WDFY3: variants seen among roughly 807,000 people sequenced by gnomAD.
The protein encoded by WDFY3 is WD repeat and FYVE domain-containing protein 3.
Under a neutral mutation model 409.6 loss-of-function variants are expected in WDFY3, and 66 were observed. The observed-to-expected ratio is 0.16, with a 90% CI of 0.13 to 0.20. The LOEUF is 0.20. WDFY3 is among the 10% of genes least tolerant of loss of function. The pLI is 1.00. For synonymous variants in WDFY3, 1,521 were observed against 1,537.1 expected (o/e 0.99, Z 0.25); for missense variants, 3,031 against 4,298.1 (o/e 0.71, Z 8.24).
chr4:84,701,708 A>G (rs1731095694), intron 56 of WDFY3, among the ~76,000 whole-genome samples: 1 of 152,108 alleles, frequency 6.6e-6, no homozygotes. Context: ...TAAAAACAGC[A>G]CTGATGGAGT....
chr4:84,722,096 A>G (rs991853892), intron 46 of WDFY3, among the ~76,000 whole-genome samples: 1 of 152,198 alleles, frequency 6.6e-6, no homozygotes, highest in East Asian at 1.9e-4. Flanking sequence ...CAAATTATAA[A>G]CATGATTACG....
chr4:84,827,632 T>C (rs1032017474), intron 9 of WDFY3, among the ~76,000 whole-genome samples: 1 of 152,186 alleles, frequency 6.6e-6, no homozygotes, highest in Non-Finnish European at 1.5e-5. Flanking sequence ...TTACCAACAT[T>C]TTTAAGGCTC....
chr4:84,837,958 T>C (rs1756827950), intron 6 of WDFY3, among the ~76,000 whole-genome samples: 1 of 152,174 alleles, frequency 6.6e-6, no homozygotes, highest in African/African-American at 2.4e-5. Context: ...TAACTATGAC[T>C]TAATCTCTTA....
In WDFY3 at chr4:84,716,989, T is replaced by C. The variant is rs1356977318; in HGVS notation, c.7782A>G (p.Gly2594=). Residue 2594 remains glycine (G), a synonymous_variant, in exon 49 of 68, where the codon GGA becomes GGG. Transcript: ENST00000295888. ...TGAGTTGACTAGGGCCTTGCCTGGC[T>C]CCTCTAGGAATAATAGGCTCATGCA... The part of the protein sequence containing the change: ...PNMHEPIIPR[G]ARQGPSQLKR... 1 of 1,607,812 alleles carries C rather than the reference T, an allele frequency of 6.2e-7. No homozygotes were observed. Among genetic ancestry groups the C allele is most frequent in the Non-Finnish European group, 8.5e-7 (1 of 1,176,874 alleles).
chr4:84,715,256 T>A, intron 50 of WDFY3, 42 bp downstream of exon 50: 1 of 1,155,618 alleles, frequency 8.7e-7, no homozygotes, highest in Non-Finnish European at 1.2e-6. Context: ...CCCTCCCATA[T>A]CTTCCCATAA....
intron 3 of WDFY3, among the ~76,000 whole-genome samples, chr4:84,864,035 A>C (rs1017856046): frequency 3.3e-5 from 5 of 152,124 alleles, no homozygotes; most frequent in South Asian, 2.1e-4. Context: ...TTGTGGTTCC[A>C]TATGAATTTT....
intron 3 of WDFY3, among the ~76,000 whole-genome samples, chr4:84,875,371 G>C (rs1048303233): frequency 1.5e-4 from 23 of 151,982 alleles, no homozygotes; most frequent in Non-Finnish European, 2.8e-4. Context: ...CACTAGTTAT[G>C]AATGGAGCTT....
chr4:84,818,713 A>G (rs1374436619), intron 12 of WDFY3, among the ~76,000 whole-genome samples: 1 of 152,150 alleles, frequency 6.6e-6, no homozygotes, highest in Non-Finnish European at 1.5e-5. Flanking sequence ...AATGGCTAAT[A>G]TTATTTAAAT....
At chr4:84,809,770 A>T in intron 14 of WDFY3, 117 bp downstream of exon 14, 1 of 946,794 alleles carries the variant, frequency 1.1e-6, no homozygotes, top group Admixed American at 3.0e-5. Context: ...CTTCAAACAA[A>T]TAGGAGAAGA....
intron 51 of WDFY3, among the ~76,000 whole-genome samples, chr4:84,711,996 T>G (rs949965478): frequency 6.6e-6 from 1 of 152,130 alleles, no homozygotes; most frequent in Non-Finnish European, 1.5e-5. Context: ...TCCTACTCTT[T>G]GTTTTATTAA....
intron 12 of WDFY3, among the ~76,000 whole-genome samples, chr4:84,819,121 A>G (rs979140455): frequency 6.6e-6 from 1 of 152,058 alleles, no homozygotes; most frequent in African/African-American, 2.4e-5. Flanking sequence ...CTATCTTAGC[A>G]TTTGCCAAAT....
chr4:84,791,273 A>G (rs984527894), intron 21 of WDFY3, among the ~76,000 whole-genome samples: 3 of 152,238 alleles, frequency 2.0e-5, no homozygotes, highest in African/African-American at 4.8e-5. Context: ...GCTTAAGGAC[A>G]TTATGCTAAA....
At position 84,683,986 on chromosome 4, in the gene WDFY3, G is replaced by C; in HGVS notation, c.9683C>G (p.Thr3228Arg). The C allele has an allele frequency of 6.2e-7, 1 of 1,612,606 alleles. No homozygotes were observed. Among genetic ancestry groups the C allele is most frequent in the Non-Finnish European group, 8.5e-7 (1 of 1,178,786 alleles). Residue 3228 changes from threonine to arginine, a missense_variant, in exon 63 of 68, where the codon ACG (threonine) becomes AGG (arginine). By Grantham distance (71) the Thr-to-Arg change is moderately conservative. Coordinates refer to ENST00000295888, the MANE Select transcript of WDFY3 (RefSeq NM_014991.6). ...GTGTCCTGTCACTATGACGTTCTGC[G>C]TGTCCCATTCGTTCATCTCCGACAT... The part of the protein sequence containing the change: ...CCMSEMNEWD[T>R]QNVIVTGHSD...
Position 84,757,106 on chromosome 4 carries a change from T to C in WDFY3, c.5244A>G (p.Arg1748=). The C allele has an allele frequency of 6.2e-7, 1 of 1,614,056 alleles. No homozygotes were observed. The highest frequency in any genetic ancestry group is 8.5e-7 in the Non-Finnish European group (1 of 1,179,948). The change falls in exon 33 of 68, where the codon CGA becomes CGG. Residue 1748 remains arginine (R), a synonymous_variant. Transcript: ENST00000295888. ...GGRSTVREIN[R]DACHFPGFPV... ...GAAAACCAGGAAAATGACAAGCATC[T>C]CGGTTAATCTCCCTGACCGTCGATC... is the stretch of plus-strand genomic sequence containing the variant.
chr4:84,680,323 T>C (rs564357888), intron 64 of WDFY3, among the ~76,000 whole-genome samples: 2 of 152,322 alleles, frequency 1.3e-5, no homozygotes, highest in Non-Finnish European at 2.9e-5. Flanking sequence ...TGGATCTTGC[T>C]CTATCACCCA....
At chr4:84,964,446 G>A (rs1775352983) in intron 1 of WDFY3, among the ~76,000 whole-genome samples, 1 of 152,210 alleles carries the variant, frequency 6.6e-6, no homozygotes, top group Non-Finnish European at 1.5e-5. Flanking sequence ...CCCAGCCTGG[G>A]CAACAGGGCA....
At chr4:84,805,270 C>T (rs942175703) in intron 15 of WDFY3, among the ~76,000 whole-genome samples, 1 of 151,588 alleles carries the variant, frequency 6.6e-6, no homozygotes, top group African/African-American at 2.4e-5. Flanking sequence ...CAATTCTGGT[C>T]CCAAGTATTT....
intron 2 of WDFY3, among the ~76,000 whole-genome samples, chr4:84,908,565 A>C (rs997099829): frequency 6.6e-6 from 1 of 152,218 alleles, no homozygotes; most frequent in Non-Finnish European, 1.5e-5. Context: ...AGGAAGGCAT[A>C]AATGGCTTCG....
intron 16 of WDFY3, 33 bp from the exon 17 acceptor site, chr4:84,801,897 T>C: frequency 1.9e-6 from 3 of 1,594,392 alleles, no homozygotes; most frequent in Middle Eastern, 1.7e-4. Context: ...CACAGTCAGG[T>C]CATTCTTAGT....
Sources: allele counts gnomAD v4.1 joint callset (sites outside exome capture counted in the v4.1 genomes callset), GRCh38; gene constraint gnomAD v4.1.1; transcripts MANE v1.5; gene names NCBI Gene and HGNC (gene_info 2026-07-23, HGNC 2026-07-21).